The following SCN10A variants were observed in gnomAD, a reference collection of about 807,000 sequenced individuals.
The protein encoded by SCN10A is sodium voltage-gated channel alpha subunit 10.
In SCN10A, 162 loss-of-function variants were observed where a neutral mutation model predicts 170.7. That is an observed-to-expected ratio of 0.95 (90% CI 0.84 to 1.08). SCN10A has a LOEUF of 1.08. Among genes scored for constraint, SCN10A ranks in the 50% least tolerant of loss-of-function variants. SCN10A has a pLI of 0.00. For synonymous variants in SCN10A, 985 were observed against 904.6 expected (o/e 1.09, Z -1.59); for missense variants, 2,527 against 2,436.9 (o/e 1.04, Z -0.78).
Position 38,742,389 on chromosome 3 carries a change from T to C in SCN10A, c.2008A>G (p.Thr670Ala). The part of the protein sequence containing the change: ...GLVTDPFAEL[T>A]ITLCIVVNTI... The stretch of plus-strand genomic sequence containing the variant: ...TTCACCACGATGCACAAGGTGATGG[T>C]GAGCTCTGCAAAGGGATCCGTCACA... The change falls in exon 14 of 28, where the codon ACC (threonine) becomes GCC (alanine). Residue 670 changes from threonine (T) to alanine (A), a missense_variant. Transcript: ENST00000449082. 6.2e-7 allele frequency: 1 copy of C among 1,614,164 alleles called. No individual in the cohort carries two copies. Among genetic ancestry groups the C allele is most frequent in the Non-Finnish European group, 8.5e-7 (1 of 1,180,022 alleles).
chr3:38,767,703 T>A (rs1460835171), intron 5 of SCN10A, among the ~76,000 whole-genome samples: 2 of 152,168 alleles, frequency 1.3e-5, no homozygotes, highest in Non-Finnish European at 2.9e-5. Context: ...ATGAAAAGAA[T>A]GTATATTCTG....
intron 4 of SCN10A, among the ~76,000 whole-genome samples, chr3:38,773,406 A>T (rs1382448868): frequency 1.3e-5 from 2 of 152,160 alleles, no homozygotes; most frequent in African/African-American, 4.8e-5. Context: ...AAGAAGAAAA[A>T]ATCTCTAGAA....
intron 12 of SCN10A, 21 bp downstream of exon 12, chr3:38,752,198 C>T: frequency 6.7e-7 from 1 of 1,495,754 alleles, no homozygotes. Context: ...CTGAGGGAGT[C>T]TGAAGCATTC....
intron 2 of SCN10A, among the ~76,000 whole-genome samples, chr3:38,793,383 C>A (rs189504269): frequency 6.6e-6 from 1 of 152,070 alleles, no homozygotes; most frequent in Non-Finnish European, 1.5e-5. Context: ...CTGTCCTCAC[C>A]GCCATGCTCC....
intron 4 of SCN10A, among the ~76,000 whole-genome samples, chr3:38,772,557 C>T (rs1217358330): frequency 6.6e-6 from 1 of 151,972 alleles, no homozygotes; most frequent in Admixed American, 6.5e-5. Flanking sequence ...GGCGCCTTGG[C>T]GGGCACCTGT....
chr3:38,755,737 C>A, intron 11 of SCN10A, 51 bp downstream of exon 11: 1 of 1,597,708 alleles, frequency 6.3e-7, no homozygotes, highest in Non-Finnish European at 8.6e-7. Flanking sequence ...TCATTGTCTA[C>A]GGCAGCTGCA....
At chr3:38,788,112 T>C (rs1343839766) in intron 4 of SCN10A, among the ~76,000 whole-genome samples, 3 of 151,264 alleles carry the variant, frequency 2.0e-5, no homozygotes, top group African/African-American at 7.3e-5. Flanking sequence ...CTTTATCAAA[T>C]GATTTTAGCA....
rs376810032 is a variant in SCN10A, at chr3:38,697,456, C to T, written c.5764G>A (p.Glu1922Lys). ...TCACTAAGGCCTCTAGTGACACTCT[C>T]ATAGGACGGTGGGAATGATGTGGCA... Reference protein sequence around the residue: ...ASATSFPPSYESVTRGLSDRV... With the variant: ...ASATSFPPSYKSVTRGLSDRV... The change falls in exon 28 of 28, where the codon GAG becomes AAG. Residue 1922 changes from glutamate to lysine, a missense_variant. Glu to Lys is a moderately conservative substitution (Grantham distance 56). Transcript: ENST00000449082. 14 of 1,614,070 alleles carry T rather than the reference C, an allele frequency of 8.7e-6. No homozygotes were observed. In the African/African-American group the frequency reaches 1.3e-4, roughly 15 times the overall value.
intron 1 of SCN10A, 137 bp from the exon 2 acceptor site, chr3:38,794,179 C>T: frequency 1.6e-6 from 1 of 630,918 alleles, no homozygotes; most frequent in Non-Finnish European, 2.7e-6. Flanking sequence ...TCACACTTGG[C>T]TCCTCCCAGG....
rs779182285 is a variant in SCN10A at position 38,752,356 on chromosome 3, C to G, written c.1618G>C (p.Gly540Arg). 24 of 1,613,624 alleles carry G rather than the reference C, an allele frequency of 1.5e-5. No homozygotes were observed. The highest frequency in any genetic ancestry group is 1.9e-5 in the Non-Finnish European group (23 of 1,179,844). The change falls in exon 12 of 28, where the codon GGT becomes CGT. Residue 540 changes from glycine (G) to arginine (R), a missense_variant. Physicochemically the swap from Gly to Arg is moderately radical, Grantham distance 125. Coordinates refer to ENST00000449082, the MANE Select transcript of SCN10A (RefSeq NM_006514.4). ...HESHRGSLLL[G>R]GGAGQQGPLP... The stretch of plus-strand genomic sequence containing the variant: ...GGGCCTTGCTGGCCAGCACCCCCAC[C>G]CAGCAGCAGAGAGCCCCGATGGCTT...
rs1418061447 is a variant in SCN10A at position 38,760,838 on chromosome 3, CA to C, written c.884-92del. 3.9e-5 allele frequency: 41 copies of C among 1,047,606 alleles called. No individual in the cohort carries two copies. The Admixed American group carries it at 5.4e-4, about 14-fold the overall frequency. 64.9% of individuals were successfully genotyped at this position (1,047,606 alleles called of 1,614,324 possible). A position where few individuals can be genotyped will look rare whatever the true frequency, so the allele number is the denominator to read the frequency against. On this transcript the variant is annotated intron_variant, in intron 7 of 27. Transcript: ENST00000449082. Reference sequence around the variant, plus strand: ...GTGAATGCAATATTCCCAAGTCTTCCAAAGTGAGCTCCTTTGGCTACATGTA... The same window carrying C: ...GTGAATGCAATATTCCCAAGTCTTCCAAGTGAGCTCCTTTGGCTACATGTA...
In SCN10A at chr3:38,771,362, T is replaced by C; in HGVS notation, c.516A>G (p.Ile172Met). 6.2e-7 allele frequency: 1 copy of C among 1,614,142 alleles called. No individual in the cohort carries two copies. The highest frequency in any genetic ancestry group is 8.5e-7 in the Non-Finnish European group (1 of 1,179,974). Residue 172 changes from isoleucine to methionine, a missense_variant, in exon 5 of 28, where the codon ATA becomes ATG. Coordinates refer to ENST00000449082, the MANE Select transcript of SCN10A (RefSeq NM_006514.4). ...VIYTFEALIK[I>M]LARGFCLNEF... ...CATTTAGACAAAATCCTCTTGCCAG[T>C]ATCTTTATCAAGGCTTCAAAGGTGT... is the stretch of plus-strand genomic sequence containing the variant.
At position 38,752,250 on chromosome 3, in the gene SCN10A, C is replaced by A; in HGVS notation, c.1724G>T (p.Ser575Ile). 1.3e-6 allele frequency: 2 copies of A among 1,563,744 alleles called. No homozygotes were observed. Among genetic ancestry groups the A allele is most frequent in the Middle Eastern group, 3.4e-4 (2 of 5,842 alleles). The stretch of plus-strand genomic sequence containing the variant: ...ATCGACAGCTCCAGGGGCAAGCTCA[C>A]TAGTGGGCGGCGGTTGGTGTTCATC... Reference protein sequence around the residue: ...GEDEHQPPPTSELAPGAVDVS... With the variant: ...GEDEHQPPPTIELAPGAVDVS... Residue 575 changes from serine (S) to isoleucine (I), a missense_variant, in exon 12 of 28, where the codon AGT (serine) becomes ATT (isoleucine). By Grantham distance (142) the Ser-to-Ile change is moderately radical. Transcript: ENST00000449082.
At chr3:38,738,918 G>C (rs981553661) in intron 15 of SCN10A, among the ~76,000 whole-genome samples, 2 of 152,202 alleles carry the variant, frequency 1.3e-5, no homozygotes, top group Non-Finnish European at 2.9e-5. Flanking sequence ...GAAGGTGCTT[G>C]AGACATTGGG....
intron 21 of SCN10A, among the ~76,000 whole-genome samples, chr3:38,716,469 C>T (rs1452573538): frequency 1.3e-5 from 2 of 152,120 alleles, no homozygotes; most frequent in Admixed American, 6.5e-5. Flanking sequence ...AGACGTGACT[C>T]GCACCTCCTT....
chr3:38,737,335 C>A (rs894118332), intron 15 of SCN10A, among the ~76,000 whole-genome samples: 1 of 152,166 alleles, frequency 6.6e-6, no homozygotes, highest in Non-Finnish European at 1.5e-5. Context: ...CTCCTGCTCT[C>A]TTGACGATTG....
rs538849156 is a variant in SCN10A at position 38,702,880 on chromosome 3, T to C, written c.4387-771A>G. ...TATGGTGTCTTTAAAAAGCTCCTAC[T>C]GTGATCTTCTCTTCTTTTAGTGCTG... On this transcript the variant is annotated intron_variant, in intron 26 of 27. Coordinates refer to ENST00000449082, the MANE Select transcript of SCN10A (RefSeq NM_006514.4). 2.6e-3 allele frequency among the ~76,000 whole-genome samples: 390 copies of C among 152,326 alleles called. 5 individuals are homozygous for C. Among genetic ancestry groups the C allele is most frequent in the Non-Finnish European group, 2.5e-3 (173 of 68,032 alleles).
chr3:38,728,338 A>G (rs1482035413), intron 16 of SCN10A, among the ~76,000 whole-genome samples: 1 of 152,216 alleles, frequency 6.6e-6, no homozygotes, highest in African/African-American at 2.4e-5. Context: ...TTTTCTAATC[A>G]TATGTTCTCA....
chr3:38,804,243 C>T (rs1374443380), intron 1 of SCN10A, among the ~76,000 whole-genome samples: 1 of 152,042 alleles, frequency 6.6e-6, no homozygotes, highest in African/African-American at 2.4e-5. Context: ...TTGTTCTTTT[C>T]TCTGCTCATA....
Sources: gnomAD v4.1 joint callset for allele counts (sites outside exome capture counted in the v4.1 genomes callset) on GRCh38, gnomAD v4.1.1 for gene constraint, MANE v1.5 for transcripts, NCBI Gene and HGNC (gene_info 2026-07-23, HGNC 2026-07-21) for gene names.